The following CCT7 variants were observed in gnomAD, a reference collection of about 807,000 sequenced individuals.
CCT7 encodes the protein chaperonin containing TCP1 subunit 7.
In CCT7, 16 loss-of-function variants were observed where a neutral mutation model predicts 56.6. That is an observed-to-expected ratio of 0.28 (90% CI 0.19 to 0.43). The LOEUF is 0.43. Among genes scored for constraint, CCT7 ranks in the 20% least tolerant of loss-of-function variants. The pLI is 1.00. For synonymous variants in CCT7, 262 were observed against 254.8 expected, an observed-to-expected ratio of 1.03 and a Z score of -0.27; for missense variants, 519 against 685.6, an observed-to-expected ratio of 0.76 and a Z score of 2.71.
intron 1 of CCT7, among the ~76,000 whole-genome samples, chr2:73,234,951 T>G (rs907531543): frequency 9.2e-5 from 14 of 152,308 alleles, no homozygotes; most frequent in Middle Eastern, 3.4e-3. Flanking sequence ...AGTCATTAAA[T>G]AAACGCGTCT....
chr2:73,244,242 C>G (rs973104711), intron 5 of CCT7, 193 bp downstream of exon 5: 1 of 639,862 alleles, frequency 1.6e-6, no homozygotes, highest in African/African-American at 1.8e-5. Flanking sequence ...AAATTGGATG[C>G]AGAAGCATGC....
chr2:73,250,737 C>T (rs929287642), intron 10 of CCT7, among the ~76,000 whole-genome samples: 2 of 151,900 alleles, frequency 1.3e-5, no homozygotes, highest in Admixed American at 6.6e-5. Flanking sequence ...AAGAGTTTGA[C>T]ACCAGCCTGG....
At chr2:73,248,744 C>T (rs756733887) in intron 7 of CCT7, among the ~76,000 whole-genome samples, 3 of 152,198 alleles carry the variant, frequency 2.0e-5, no homozygotes, top group Non-Finnish European at 2.9e-5. Flanking sequence ...ATCTGGACAG[C>T]ACCAGCTGTG....
intron 1 of CCT7, among the ~76,000 whole-genome samples, chr2:73,236,108 C>T (rs116107695): frequency 2.0e-5 from 3 of 152,320 alleles, no homozygotes; most frequent in Admixed American, 2.0e-4. Context: ...GAAAAGGTCC[C>T]CTGAAACCTC....
At position 73,239,789 on chromosome 2, in the gene CCT7, T is replaced by C. The variant is rs1428507118; in HGVS notation, c.153T>C (p.Asp51=). The C allele has an allele frequency of 1.9e-6, 3 of 1,613,788 alleles. No homozygotes were observed. The highest frequency in any genetic ancestry group is 2.5e-6 in the Non-Finnish European group (3 of 1,179,856). ...GTGGCATGGACAAGCTTATTGTAGATGGCAGAGGTAAGTCTACAGAGTTCC... is the reference window on the plus strand; with the variant it reads ...GTGGCATGGACAAGCTTATTGTAGACGGCAGAGGTAAGTCTACAGAGTTCC... ...GPRGMDKLIV[D]GRGKATISND... is the part of the protein sequence containing the mutation. The change falls in exon 2 of 12, where the codon GAT becomes GAC. Residue 51 remains aspartate, a synonymous_variant. Coordinates refer to ENST00000258091, the MANE Select transcript of CCT7 (RefSeq NM_006429.4).
chr2:73,247,653 T>C (rs1687401335), intron 6 of CCT7, 109 bp from the exon 7 acceptor site: 3 of 819,700 alleles, frequency 3.7e-6, no homozygotes, highest in Non-Finnish European at 5.7e-6. Context: ...AATAAAGACA[T>C]GATTAGCTCA....
chr2:73,249,226 G>A (rs773110053), intron 8 of CCT7, 47 bp downstream of exon 8: 1 of 1,472,284 alleles, frequency 6.8e-7, no homozygotes, highest in South Asian at 1.3e-5. Context: ...TGGCCCTGAA[G>A]GGTTTTCACT....
chr2:73,251,352 A>T lies in CCT7; in HGVS notation c.1330A>T (p.Ile444Phe). 1 of 1,613,542 alleles carries T rather than the reference A, an allele frequency of 6.2e-7. No individual in the cohort carries two copies. Among genetic ancestry groups the T allele is most frequent in the South Asian group, 1.1e-5 (1 of 91,070 alleles). ...LIGAYAKALE[I>F]IPRQLCDNAG... Reference sequence around the variant, plus strand: ...TGGGGCATATGCCAAGGCCTTGGAGATTATCCCACGCCAGCTGTGTGACAA... The same window carrying T: ...TGGGGCATATGCCAAGGCCTTGGAGTTTATCCCACGCCAGCTGTGTGACAA... Residue 444 changes from isoleucine to phenylalanine, a missense_variant, in exon 11 of 12, where the codon ATT becomes TTT. Ile to Phe is a conservative substitution (Grantham distance 21). Transcript: ENST00000258091.
In CCT7 at chr2:73,234,350, A is replaced by C. The variant is rs1301886774; in HGVS notation, c.-29A>C. ...GGCCCGGTCTCGGAGAAGAGGGGAG[A>C]GTGGCGGGCCGCTGAATAAGCTTCC... On this transcript the variant is annotated 5_prime_UTR_variant, in exon 1 of 12. Coordinates refer to ENST00000258091, the MANE Select transcript of CCT7 (RefSeq NM_006429.4). The C allele has an allele frequency of 3.1e-6, 5 of 1,613,256 alleles. No individual in the cohort carries two copies. The highest frequency in any genetic ancestry group is 1.7e-5 in the Admixed American group (1 of 60,006).
chr2:73,239,660 A>G lies in CCT7; in HGVS notation c.24A>G (p.Leu8=), dbSNP rs148560011. ...TTTTCTAGCCCACACCAGTTATCCT[A>G]TTGAAAGAGGGGACTGATAGCTCCC... MMPTPVI[L]LKEGTDSSQG... The change falls in exon 2 of 12, where the codon CTA becomes CTG. Residue 8 remains leucine (L), a synonymous_variant. Coordinates refer to ENST00000258091, the MANE Select transcript of CCT7 (RefSeq NM_006429.4). 1,124 of 1,613,908 alleles carry G rather than the reference A, an allele frequency of 7.0e-4. 8 individuals are homozygous for G. The African/African-American group carries it at 0.013, about 19-fold the overall frequency.
chr2:73,249,323 C>A, intron 8 of CCT7, 144 bp downstream of exon 8: 1 of 626,628 alleles, frequency 1.6e-6, no homozygotes, highest in Non-Finnish European at 2.7e-6. Flanking sequence ...TTCCAGGACA[C>A]ATTCCATTTC....
At chr2:73,250,210 C>T (rs1413111428) in intron 9 of CCT7, 96 bp from the exon 10 acceptor site, 4 of 1,446,112 alleles carry the variant, frequency 2.8e-6, no homozygotes, top group South Asian at 2.5e-5. Context: ...AATGTAAGAG[C>T]AGCTGCTGAG....
At position 73,238,494 on chromosome 2, in the gene CCT7, G is replaced by A. The variant is rs191665377; in HGVS notation, c.7-1149G>A. 1.0e-3 allele frequency among the ~76,000 whole-genome samples: 152 copies of A among 152,344 alleles called. 2 individuals are homozygous for A. The highest frequency in any genetic ancestry group is 9.6e-3 in the Admixed American group (147 of 15,304). Reference sequence around the variant, plus strand: ...TCCTCACTCCTCATTGTTAGGTTGGGAAAGCTCTGTGCTTTCCTGTGCCTT... The same window carrying A: ...TCCTCACTCCTCATTGTTAGGTTGGAAAAGCTCTGTGCTTTCCTGTGCCTT... On this transcript the variant is annotated intron_variant, in intron 1 of 11. Transcript: ENST00000258091.
At chr2:73,240,310 A>G (rs1687051000) in intron 2 of CCT7, 127 bp from the exon 3 acceptor site, 1 of 540,540 alleles carries the variant, frequency 1.9e-6, no homozygotes. Flanking sequence ...TCAGATAGGT[A>G]TCCTTTCCCT....
intron 3 of CCT7, 116 bp downstream of exon 3, chr2:73,240,659 C>A (rs1341513640): frequency 2.0e-6 from 1 of 508,642 alleles, no homozygotes; most frequent in Non-Finnish European, 3.4e-6. Flanking sequence ...ACAAGTAATA[C>A]ATGCTTATAA....
chr2:73,243,898 A>G (rs1229913580), intron 4 of CCT7, 99 bp from the exon 5 acceptor site: 1 of 1,053,912 alleles, frequency 9.5e-7, no homozygotes, highest in African/African-American at 1.6e-5. Context: ...AATGCTTAGG[A>G]TTTGGGAGTG....
intron 1 of CCT7, among the ~76,000 whole-genome samples, chr2:73,238,038 A>C (rs1367170375): frequency 6.6e-6 from 1 of 152,178 alleles, no homozygotes; most frequent in Non-Finnish European, 1.5e-5. Flanking sequence ...ATATATATTA[A>C]AAAATGAATA....
At position 73,234,339 on chromosome 2, in the gene CCT7, G is replaced by A. The variant is rs563963786; in HGVS notation, c.-40G>A. 5.6e-6 allele frequency: 9 copies of A among 1,613,670 alleles called. No homozygotes were observed. The African/African-American group carries it at 1.1e-4, about 19-fold the overall frequency. The stretch of plus-strand genomic sequence containing the variant: ...GGTTGCTGGGCGGCCCGGTCTCGGA[G>A]AAGAGGGGAGAGTGGCGGGCCGCTG... On this transcript the variant is annotated 5_prime_UTR_variant, in exon 1 of 12. Transcript: ENST00000258091.
Position 73,247,812 on chromosome 2 carries a change from T to A in CCT7, c.669T>A (p.Ala223=). The part of the protein sequence containing the change: ...GVAFKKTFSY[A]GFEMQPKKYH... ...CATTCAAGAAGACTTTCTCTTACGCTGGGTTTGAAATGCAACCCAAAAAGT... is the reference window on the plus strand; with the variant it reads ...CATTCAAGAAGACTTTCTCTTACGCAGGGTTTGAAATGCAACCCAAAAAGT... The change falls in exon 7 of 12, where the codon GCT becomes GCA. Residue 223 remains alanine, a synonymous_variant. Coordinates refer to ENST00000258091, the MANE Select transcript of CCT7 (RefSeq NM_006429.4). 6.2e-7 allele frequency: 1 copy of A among 1,614,180 alleles called. No homozygotes were observed. Among genetic ancestry groups the A allele is most frequent in the Non-Finnish European group, 8.5e-7 (1 of 1,180,020 alleles).
Sources: allele counts gnomAD v4.1 joint callset (sites outside exome capture counted in the v4.1 genomes callset), GRCh38; gene constraint gnomAD v4.1.1; transcripts MANE v1.5; gene names NCBI Gene and HGNC (gene_info 2026-07-23, HGNC 2026-07-21).